The following VAT1L variants were observed in gnomAD, a reference collection of about 807,000 sequenced individuals.
The protein encoded by VAT1L is vesicle amine transport 1 like.
A neutral mutation model predicts 44.1 loss-of-function variants in VAT1L; 34 were observed. The observed-to-expected ratio is 0.77, with a 90% CI of 0.59 to 1.03. The LOEUF is 1.03. Among genes scored for constraint, VAT1L ranks in the 50% least tolerant of loss-of-function variants. The pLI is 0.00. For synonymous variants in VAT1L, 253 were observed against 202.2 expected, an observed-to-expected ratio of 1.25 and a Z score of -2.13; for missense variants, 615 against 538.8, an observed-to-expected ratio of 1.14 and a Z score of -1.40.
intron 1 of VAT1L, among the ~76,000 whole-genome samples, chr16:77,806,062 C>T (rs2016153189): frequency 6.6e-6 from 1 of 151,520 alleles, no homozygotes; most frequent in Non-Finnish European, 1.5e-5. Context: ...AGGGTTTCAC[C>T]ATGTTGGTCA....
chr16:77,842,080 G>T (rs979846664), intron 3 of VAT1L, among the ~76,000 whole-genome samples: 1 of 152,014 alleles, frequency 6.6e-6, no homozygotes, highest in African/African-American at 2.4e-5. Flanking sequence ...GTAGAGACGG[G>T]GTTTCACCAT....
At position 77,938,542 on chromosome 16, in the gene VAT1L, A is replaced by G. The variant is rs888058740; in HGVS notation, c.1078-33308A>G. ...TGGTACTGTACAGCGAGTTCTCATG[A>G]GATCTGGTTGTTTAAAAGTGTGTGG... On this transcript the variant is annotated intron_variant, in intron 7 of 8. Transcript: ENST00000302536. Among the ~76,000 whole-genome samples, 4 of 152,082 alleles carry G rather than the reference A, an allele frequency of 2.6e-5. No individual in the cohort carries two copies. In the East Asian group the frequency reaches 7.7e-4, roughly 29 times the overall value.
At chr16:77,828,439 G>A (rs1346978385) in intron 3 of VAT1L, among the ~76,000 whole-genome samples, 4 of 152,188 alleles carry the variant, frequency 2.6e-5, no homozygotes, top group Admixed American at 6.5e-5. Flanking sequence ...CAATGCGGGC[G>A]GATCACCTGA....
intron 3 of VAT1L, among the ~76,000 whole-genome samples, chr16:77,831,709 G>A (rs1037425998): frequency 7.2e-5 from 11 of 152,162 alleles, no homozygotes; most frequent in African/African-American, 2.4e-4. Context: ...TGGTTTCCTG[G>A]ACTGAAAAGG....
chr16:77,809,886 C>A (rs1053142058), intron 1 of VAT1L, among the ~76,000 whole-genome samples: 6 of 152,182 alleles, frequency 3.9e-5, no homozygotes, highest in Non-Finnish European at 7.3e-5. Context: ...TCCTTAGTAA[C>A]CAGGAACGGG....
intron 1 of VAT1L, among the ~76,000 whole-genome samples, chr16:77,812,816 T>A (rs2016288345): frequency 6.6e-6 from 1 of 152,186 alleles, no homozygotes. Flanking sequence ...CAGGATGCCA[T>A]GTCTCAATGA....
At chr16:77,949,420 A>C (rs2018013168) in intron 7 of VAT1L, among the ~76,000 whole-genome samples, 1 of 152,142 alleles carries the variant, frequency 6.6e-6, no homozygotes, top group Non-Finnish European at 1.5e-5. Context: ...AAGAATAGGC[A>C]ATGTGCTAAG....
chr16:77,895,117 C>CACACA (rs1567500916), intron 7 of VAT1L, among the ~76,000 whole-genome samples: 3 of 151,326 alleles, frequency 2.0e-5, no homozygotes, highest in Non-Finnish European at 2.9e-5. Context: ...CACACACACA[C>CACACA]TCACACATTT....
chr16:77,869,240 C>A (rs2017006049), intron 4 of VAT1L, among the ~76,000 whole-genome samples: 1 of 152,112 alleles, frequency 6.6e-6, no homozygotes, highest in Non-Finnish European at 1.5e-5. Context: ...GACGTCTTTT[C>A]CTTTTTGTTG....
In VAT1L at chr16:77,789,400, G is replaced by A. The variant is rs114158626; in HGVS notation, c.233+485G>A. ...TGATCCGTTTACAGGTAAGAAAGCC[G>A]CCGCTCAGCGAGAATGAGTGATTTG... On this transcript the variant is annotated intron_variant, in intron 1 of 8. Transcript: ENST00000302536. Among the ~76,000 whole-genome samples, 1,377 of 152,274 alleles carry A rather than the reference G, an allele frequency of 9.0e-3. 17 individuals are homozygous for A. Among genetic ancestry groups the A allele is most frequent in the African/African-American group, 0.032 (1,317 of 41,554 alleles).
At chr16:77,934,246 A>C (rs908123581) in intron 7 of VAT1L, among the ~76,000 whole-genome samples, 6 of 150,720 alleles carry the variant, frequency 4.0e-5, no homozygotes, top group African/African-American at 9.8e-5. Flanking sequence ...ATCATGAAAA[A>C]CCCCTAGGTT....
rs562531859 is a variant in VAT1L, at chr16:77,845,506, C to T, written c.580-17242C>T. Among the ~76,000 whole-genome samples the T allele has an allele frequency of 1.7e-3, 262 of 152,310 alleles. 7 individuals are homozygous for T. In the South Asian group the frequency reaches 0.05, roughly 29 times the overall value. Reference sequence around the variant, plus strand: ...CCACCCTAACTCGTTCATCTGACTTCCTGAGACCCATTCCAACTAAACTAT... The same window carrying T: ...CCACCCTAACTCGTTCATCTGACTTTCTGAGACCCATTCCAACTAAACTAT... On this transcript the variant is annotated intron_variant, in intron 3 of 8. Coordinates refer to ENST00000302536, the MANE Select transcript of VAT1L (RefSeq NM_020927.3).
intron 8 of VAT1L, among the ~76,000 whole-genome samples, chr16:77,973,213 T>C (rs2018299233): frequency 6.6e-6 from 1 of 152,184 alleles, no homozygotes; most frequent in African/African-American, 2.4e-5. Flanking sequence ...TGATCCCCTA[T>C]CGGTAAAGTG....
At chr16:77,913,129 TAGAA>T (rs2017516134) in intron 7 of VAT1L, among the ~76,000 whole-genome samples, 1 of 152,212 alleles carries the variant, frequency 6.6e-6, no homozygotes, top group Non-Finnish European at 1.5e-5. Flanking sequence ...ACAAAACATT[TAGAA>T]AGAGTTGTCT....
At position 77,945,097 on chromosome 16, in the gene VAT1L, C is replaced by T. The variant is rs534475247; in HGVS notation, c.1078-26753C>T. Among the ~76,000 whole-genome samples, 6 of 152,166 alleles carry T rather than the reference C, an allele frequency of 3.9e-5. No individual in the cohort carries two copies. In the South Asian group the frequency reaches 1.2e-3, roughly 32 times the overall value. On this transcript the variant is annotated intron_variant, in intron 7 of 8. Coordinates refer to ENST00000302536, the MANE Select transcript of VAT1L (RefSeq NM_020927.3). Reference sequence around the variant, plus strand: ...AGATTATCCAGCTTAAGTCACAGGCCATTCAGAGTGTTCAATTTCAGAACC... The same window carrying T: ...AGATTATCCAGCTTAAGTCACAGGCTATTCAGAGTGTTCAATTTCAGAACC...
At chr16:77,882,191 A>T (rs956495518) in intron 6 of VAT1L, 5 of 152,144 alleles carry the variant, frequency 3.3e-5, no homozygotes, top group Non-Finnish European at 4.4e-5. Context: ...TAGAAAAAAA[A>T]TTTTTCAATG....
chr16:77,809,062 C>G (rs1363277842), intron 1 of VAT1L, among the ~76,000 whole-genome samples: 1 of 152,188 alleles, frequency 6.6e-6, no homozygotes, highest in Non-Finnish European at 1.5e-5. Flanking sequence ...TGATCTTTCT[C>G]TAGGAGAGCA....
chr16:77,816,067 G>A (rs1190684086), intron 1 of VAT1L, among the ~76,000 whole-genome samples: 1 of 148,798 alleles, frequency 6.7e-6, no homozygotes, highest in Non-Finnish European at 1.5e-5. Context: ...GCAAATGGGT[G>A]TTAAATGGAA....
At chr16:77,826,058 T>G (rs1390620742) in intron 3 of VAT1L, among the ~76,000 whole-genome samples, 2 of 119,062 alleles carry the variant, frequency 1.7e-5, no homozygotes, top group Non-Finnish European at 3.4e-5. Flanking sequence ...AAGAAAGAAA[T>G]TAGCCGGGCG....
Sources: allele counts gnomAD v4.1 joint callset (sites outside exome capture counted in the v4.1 genomes callset), GRCh38; gene constraint gnomAD v4.1.1; transcripts MANE v1.5; gene names NCBI Gene and HGNC (gene_info 2026-07-23, HGNC 2026-07-21).